The following CHN2 variants were observed in gnomAD, a reference collection of about 807,000 sequenced individuals.
CHN2 encodes chimerin 2.
CHN2 carries 35 observed loss-of-function variants against 56.3 expected under a neutral mutation model. The ratio of observed to expected loss-of-function variants is 0.62; its 90% confidence interval spans 0.47 to 0.82. The LOEUF is 0.82. Among genes scored for constraint, CHN2 ranks in the 40% least tolerant of loss-of-function variants. The pLI is 0.00. For synonymous variants in CHN2, 210 were observed against 212.8 expected, an observed-to-expected ratio of 0.99 and a Z score of 0.12; for missense variants, 491 against 580.5, an observed-to-expected ratio of 0.85 and a Z score of 1.58.
intron 1 of CHN2, among the ~76,000 whole-genome samples, chr7:29,248,168 A>G (rs1788218807): frequency 6.6e-6 from 1 of 152,218 alleles, no homozygotes; most frequent in South Asian, 2.1e-4. Context: ...CAGGCAGTTG[A>G]AAGTGTGGGC....
At chr7:29,483,791 G>C in intron 7 of CHN2, 1 of 1,148,660 alleles carries the variant, frequency 8.7e-7, no homozygotes, top group Non-Finnish European at 1.1e-6. Context: ...CAGTCGGCTT[G>C]CTCGGCTTCC....
intron 3 of CHN2, among the ~76,000 whole-genome samples, chr7:29,373,419 C>G (rs1334356108): frequency 6.6e-6 from 1 of 151,936 alleles, no homozygotes; most frequent in Non-Finnish European, 1.5e-5. Flanking sequence ...AGGTGATCTG[C>G]CTGCCTCAGC....
intron 1 of CHN2, among the ~76,000 whole-genome samples, chr7:29,349,933 T>A (rs574790364): frequency 6.6e-6 from 1 of 152,344 alleles, no homozygotes; most frequent in East Asian, 1.9e-4. Context: ...TTCCAGTACC[T>A]TGTATCTCCT....
At chr7:29,452,810 C>T (rs1784495606) in intron 6 of CHN2, among the ~76,000 whole-genome samples, 1 of 152,136 alleles carries the variant, frequency 6.6e-6, no homozygotes, top group South Asian at 2.1e-4. Context: ...TTCATTCTGT[C>T]CCGGAGAGCA....
chr7:29,270,462 C>G (rs1426864009), intron 1 of CHN2, among the ~76,000 whole-genome samples: 1 of 147,136 alleles, frequency 6.8e-6, no homozygotes. Flanking sequence ...CAAGACCAGC[C>G]TGGCCCACAT....
intron 6 of CHN2, among the ~76,000 whole-genome samples, chr7:29,463,822 T>C (rs1330483555): frequency 1.3e-5 from 2 of 152,092 alleles, no homozygotes. Flanking sequence ...GCTCTGCTGG[T>C]GTATAGATGT....
intron 11 of CHN2, 150 bp from the exon 12 acceptor site, chr7:29,509,151 A>G (rs1354057614): frequency 4.9e-6 from 3 of 609,948 alleles, no homozygotes; most frequent in East Asian, 5.7e-5. Flanking sequence ...ACAGGACACC[A>G]ACAAATTGAT....
rs547552976 is a variant in CHN2 at position 29,241,418 on chromosome 7, A to G, written c.49+46428A>G. Among the ~76,000 whole-genome samples the G allele has an allele frequency of 1.2e-4, 19 of 152,190 alleles. No individual in the cohort carries two copies. In the East Asian group the frequency reaches 2.3e-3, roughly 19 times the overall value. ...AGAGTGGGGGCCAGGCTCCTCCCCAATGCAAACTGTGCAAACTTCTCAAGG... is the reference window on the plus strand; with the variant it reads ...AGAGTGGGGGCCAGGCTCCTCCCCAGTGCAAACTGTGCAAACTTCTCAAGG... On this transcript the variant is annotated intron_variant, in intron 1 of 12. Transcript: ENST00000222792.
intron 1 of CHN2, among the ~76,000 whole-genome samples, chr7:29,211,300 G>T (rs571934632): frequency 6.6e-6 from 1 of 151,336 alleles, no homozygotes; most frequent in African/African-American, 2.4e-5. Context: ...GGATGGTCTC[G>T]ATCTCCTGAC....
At chr7:29,417,913 G>C (rs1803938871) in intron 6 of CHN2, among the ~76,000 whole-genome samples, 1 of 152,146 alleles carries the variant, frequency 6.6e-6, no homozygotes, top group Non-Finnish European at 1.5e-5. Flanking sequence ...GTAAAGACAC[G>C]TGCTAGGGGC....
At chr7:29,499,827 A>G (rs766338489) in intron 8 of CHN2, 40 bp from the exon 9 acceptor site, 9 of 1,504,168 alleles carry the variant, frequency 6.0e-6, no homozygotes, top group Non-Finnish European at 7.1e-6. Context: ...TGCTTTGACA[A>G]AAGGGCTGGG....
At chr7:29,414,040 C>T (rs1220442809) in intron 6 of CHN2, among the ~76,000 whole-genome samples, 1 of 152,112 alleles carries the variant, frequency 6.6e-6, no homozygotes, top group Non-Finnish European at 1.5e-5. Context: ...TAGCCTTGAG[C>T]TATATGAATT....
chr7:29,359,886 A>G (rs1000373040), intron 2 of CHN2, among the ~76,000 whole-genome samples: 1 of 152,372 alleles, frequency 6.6e-6, no homozygotes, highest in Middle Eastern at 3.4e-3. Flanking sequence ...ATTAGGCAGC[A>G]GATGCAGTGG....
Position 29,437,363 on chromosome 7 carries a change from C to A in CHN2, c.576+36535C>A. ...CCTGTAATCCCAGCACTTTGGGAGG[C>A]CGAGGCGGGCGGATCACGAGGTCAG... On this transcript the variant is annotated intron_variant, in intron 6 of 12. Coordinates refer to ENST00000222792, the MANE Select transcript of CHN2 (RefSeq NM_004067.4). Among the ~76,000 whole-genome samples the A allele has an allele frequency of 2.4e-5, 2 of 84,826 alleles. 1 individual carries two copies. The highest frequency in any genetic ancestry group is 4.7e-5 in the Non-Finnish European group (2 of 42,608). 55.6% of individuals were successfully genotyped at this position (84,826 alleles called of 152,430 possible).
intron 1 of CHN2, among the ~76,000 whole-genome samples, chr7:29,294,351 A>G (rs985184758): frequency 6.6e-6 from 1 of 152,134 alleles, no homozygotes; most frequent in Admixed American, 6.5e-5. Flanking sequence ...AAAGATTTAT[A>G]ATTTTCTTAC....
At chr7:29,405,145 T>C (rs1802523998) in intron 6 of CHN2, among the ~76,000 whole-genome samples, 1 of 141,810 alleles carries the variant, frequency 7.1e-6, no homozygotes, top group Non-Finnish European at 1.5e-5. Context: ...ATTCTCTGTA[T>C]GGAGTGCTTA....
At chr7:29,485,821 C>T (rs574663429) in intron 7 of CHN2, among the ~76,000 whole-genome samples, 2 of 152,096 alleles carry the variant, frequency 1.3e-5, no homozygotes, top group Admixed American at 1.3e-4. Context: ...GCCCTTCCCC[C>T]ACTCAGCCTG....
chr7:29,356,029 A>G (rs147998223), intron 2 of CHN2, among the ~76,000 whole-genome samples: 1,575 of 151,896 alleles, frequency 0.01, 16 homozygotes, highest in Middle Eastern at 0.038. Context: ...GCAATCCACT[A>G]ACCTCGGCCT....
At chr7:29,259,336 A>AAAAC (rs397825845) in intron 1 of CHN2, among the ~76,000 whole-genome samples, 2 of 151,322 alleles carry the variant, frequency 1.3e-5, no homozygotes, top group East Asian at 3.9e-4. Flanking sequence ...CAAAAAAAAA[A>AAAAC]CCCAAACAAA....
Sources: allele counts gnomAD v4.1 joint callset (sites outside exome capture counted in the v4.1 genomes callset), GRCh38; gene constraint gnomAD v4.1.1; transcripts MANE v1.5; gene names NCBI Gene and HGNC (gene_info 2026-07-23, HGNC 2026-07-21).